RRAS2: variants seen among roughly 807,000 people sequenced by gnomAD.
RRAS2 encodes RAS related 2.
In RRAS2, 7 loss-of-function variants were observed where a neutral mutation model predicts 27.6. That is an observed-to-expected ratio of 0.25 (90% CI 0.14 to 0.48). The LOEUF (loss-of-function observed/expected upper bound fraction) is 0.48. RRAS2 is among the 20% of genes least tolerant of loss of function. The pLI is 0.99. For missense variants in RRAS2, 178 were observed against 256.2 expected, an observed-to-expected ratio of 0.69 and a Z score of 2.08; for synonymous variants, 86 against 90.9, an observed-to-expected ratio of 0.95 and a Z score of 0.31.
intron 5 of RRAS2, 93 bp from the exon 6 acceptor site, chr11:14,279,517 G>A: frequency 1.1e-6 from 1 of 951,136 alleles, no homozygotes; most frequent in East Asian, 2.5e-5. Context: ...ACTTTTAAGT[G>A]TGTATGCTTT....
chr11:14,317,572 C>G (rs1274538665), intron 1 of RRAS2, among the ~76,000 whole-genome samples: 1 of 152,138 alleles, frequency 6.6e-6, no homozygotes, highest in Non-Finnish European at 1.5e-5. Flanking sequence ...AAAAGCGAAA[C>G]TCCATCCCAA....
chr11:14,320,832 G>A (rs1425497255), intron 1 of RRAS2, among the ~76,000 whole-genome samples: 2 of 152,044 alleles, frequency 1.3e-5, no homozygotes, highest in Non-Finnish European at 2.9e-5. Context: ...GTAAAATGTG[G>A]GAAAACTATA....
intron 4 of RRAS2, among the ~76,000 whole-genome samples, chr11:14,293,124 A>AATATATATATATATATATATAT (rs781860601): frequency 6.6e-4 from 51 of 76,760 alleles, no homozygotes; most frequent in East Asian, 1.3e-3. Context: ...AAACAAAACA[A>AATATATATATATATATATATAT]ATATATATAT....
chr11:14,343,839 T>TAAATA (rs1244025971), intron 1 of RRAS2, among the ~76,000 whole-genome samples: 95 of 149,922 alleles, frequency 6.3e-4, no homozygotes, highest in Admixed American at 1.3e-3. Context: ...GTCTCAAAAA[T>TAAATA]AAATAAAATA....
At chr11:14,319,091 C>T (rs1289357652) in intron 1 of RRAS2, among the ~76,000 whole-genome samples, 1 of 152,204 alleles carries the variant, frequency 6.6e-6, no homozygotes, top group East Asian at 1.9e-4. Flanking sequence ...AGCAGTCTGG[C>T]TCAATTCTGT....
At chr11:14,310,488 G>C (rs982929198) in intron 1 of RRAS2, among the ~76,000 whole-genome samples, 7 of 152,160 alleles carry the variant, frequency 4.6e-5, no homozygotes, top group Admixed American at 3.3e-4. Context: ...AGAGAACAAA[G>C]AAAATGGTAG....
intron 1 of RRAS2, among the ~76,000 whole-genome samples, chr11:14,319,466 C>G (rs1848181199): frequency 6.9e-6 from 1 of 145,920 alleles, no homozygotes; most frequent in Non-Finnish European, 1.5e-5. Context: ...TCACGCCATT[C>G]TCCTGCCTCA....
In RRAS2 at chr11:14,358,409, C is replaced by A; in HGVS notation, c.108+354G>T. On this transcript the variant is annotated intron_variant, in intron 1 of 5. Transcript: ENST00000256196. This position sits in a 1 kb window ranked among gnomAD's most constrained non-coding sequence, Gnocchi z 5.1. ...GCGGGGCTCCAGCTCCAGCCCCACG[C>A]CCGGACCCTCGGAGCAGTAAAGCCC... 1.0e-6 allele frequency: 1 copy of A among 985,506 alleles called. No individual in the cohort carries two copies. The highest frequency in any genetic ancestry group is 1.2e-6 in the Non-Finnish European group (1 of 830,062). The allele number at this position is 985,506 out of a possible 1,614,324, so 61.0% of individuals were successfully genotyped here.
At position 14,357,315 on chromosome 11, in the gene RRAS2, A is replaced by G. The variant is rs185262260; in HGVS notation, c.108+1448T>C. ...TATCCCCTCACCCCCACCCTCCCTC[A>G]GCCATCAGACTAGTCCCCAAAGGGT... On this transcript the variant is annotated intron_variant, in intron 1 of 5. Coordinates refer to ENST00000256196, the MANE Select transcript of RRAS2 (RefSeq NM_012250.6). 3.7e-3 allele frequency among the ~76,000 whole-genome samples: 561 copies of G among 151,406 alleles called. 9 individuals carry two copies. Among genetic ancestry groups the G allele is most frequent in the Middle Eastern group, 0.01 (3 of 294 alleles).
chr11:14,308,256 T>C (rs1324928939), intron 1 of RRAS2: 2 of 451,020 alleles, frequency 4.4e-6, no homozygotes, highest in African/African-American at 4.0e-5. Context: ...GGAAAACAAT[T>C]CTTGTAGCTT....
At chr11:14,302,375 A>G (rs1209382087) in intron 1 of RRAS2, among the ~76,000 whole-genome samples, 1 of 152,238 alleles carries the variant, frequency 6.6e-6, no homozygotes, top group Non-Finnish European at 1.5e-5. Context: ...AGATGCATTT[A>G]TATCTTTACT....
chr11:14,289,707 G>A (rs1849758029), intron 4 of RRAS2, among the ~76,000 whole-genome samples: 5 of 152,132 alleles, frequency 3.3e-5, no homozygotes, highest in Non-Finnish European at 7.4e-5. Flanking sequence ...AATACTGGAT[G>A]AATGGATGGA....
In RRAS2 at chr11:14,293,124, A is replaced by AGTATATATATAT. The variant is rs1376616443; in HGVS notation, c.408+1346_408+1347insATATATATATAC. Among the ~76,000 whole-genome samples the AGTATATATATAT allele has an allele frequency of 3.1e-4, 24 of 76,820 alleles. 1 individual carries two copies. Among genetic ancestry groups the AGTATATATATAT allele is most frequent in the Admixed American group, 4.6e-4 (3 of 6,460 alleles). The allele number at this position is 76,820 out of a possible 152,430, so 50.4% of individuals were successfully genotyped here. On this transcript the variant is annotated intron_variant, in intron 4 of 5. Transcript: ENST00000256196. Reference sequence around the variant, plus strand: ...CTCCGTCTCAAAACAAAACAAAACAAATATATATATATATATATATATATA... The same window carrying AGTATATATATAT: ...CTCCGTCTCAAAACAAAACAAAACAAGTATATATATATATATATATATATATATATATATATA...
chr11:14,322,019 T>A (rs1402095699), intron 1 of RRAS2, among the ~76,000 whole-genome samples: 2 of 152,190 alleles, frequency 1.3e-5, no homozygotes, highest in Non-Finnish European at 2.9e-5. Flanking sequence ...ACAGTTACTA[T>A]GCTAGACACT....
At chr11:14,346,718 T>G (rs1324186947) in intron 1 of RRAS2, among the ~76,000 whole-genome samples, 2 of 152,166 alleles carry the variant, frequency 1.3e-5, no homozygotes, top group African/African-American at 4.8e-5. Context: ...AAAAGCTGAG[T>G]GGATGTTACA....
chr11:14,305,471 C>T (rs190210751), intron 1 of RRAS2, among the ~76,000 whole-genome samples: 111 of 152,244 alleles, frequency 7.3e-4, no homozygotes, highest in Non-Finnish European at 1.3e-3. Flanking sequence ...CAGGCCTAAA[C>T]AAAACTTGTA....
intron 4 of RRAS2, among the ~76,000 whole-genome samples, chr11:14,282,015 A>G (rs1849551783): frequency 6.6e-6 from 1 of 152,244 alleles, no homozygotes; most frequent in Non-Finnish European, 1.5e-5. Context: ...GTAAGGTGCT[A>G]TTAAAGTATA....
Position 14,278,615 on chromosome 11 carries a change from T to C in RRAS2, c.*722A>G, listed in dbSNP as rs146112207. 4.4e-4 allele frequency: 67 copies of C among 152,340 alleles called. No individual in the cohort carries two copies. The highest frequency in any genetic ancestry group is 1.5e-3 in the African/African-American group (63 of 41,576). 9.4% of individuals were successfully genotyped at this position (152,340 alleles called of 1,614,324 possible). A position where few individuals can be genotyped will look rare whatever the true frequency, so the allele number is the denominator to read the frequency against. On this transcript the variant is annotated 3_prime_UTR_variant, in exon 6 of 6. Coordinates refer to ENST00000256196, the MANE Select transcript of RRAS2 (RefSeq NM_012250.6). Reference sequence around the variant, plus strand: ...GAAGACAGAAGGAAATTATTCCTTTTTACCCTTAGCGTGGCTGTGAAAAAG... The same window carrying C: ...GAAGACAGAAGGAAATTATTCCTTTCTACCCTTAGCGTGGCTGTGAAAAAG...
chr11:14,282,475 G>A (rs920836855), intron 4 of RRAS2, among the ~76,000 whole-genome samples: 1 of 152,140 alleles, frequency 6.6e-6, no homozygotes, highest in African/African-American at 2.4e-5. Flanking sequence ...TAAACTGAAT[G>A]TAAGTTCCTA....
Sources: gnomAD v4.1 joint callset for allele counts (sites outside exome capture counted in the v4.1 genomes callset) on GRCh38, gnomAD v4.1.1 for gene constraint, Gnocchi (gnomAD v3.1) non-coding constraint, MANE v1.5 for transcripts, NCBI Gene and HGNC (gene_info 2026-07-23, HGNC 2026-07-21) for gene names.